Variants in THSD7A observed in about 807,000 individuals in gnomAD.
THSD7A encodes thrombospondin type-1 domain-containing protein 7A.
Under a neutral mutation model 231.3 loss-of-function variants are expected in THSD7A, and 96 were observed. That is an observed-to-expected ratio of 0.41 (90% CI 0.35 to 0.49). The LOEUF (loss-of-function observed/expected upper bound fraction) is 0.49. Among genes scored for constraint, THSD7A ranks in the 20% least tolerant of loss-of-function variants. The probability of loss-of-function intolerance (pLI) is 0.05; values close to 1 mark genes in which losing one functional copy is unlikely to be tolerated. For synonymous variants in THSD7A, 940 were observed against 743.3 expected, an observed-to-expected ratio of 1.26 and a Z score of -4.30; for missense variants, 2,290 against 2,070.2, an observed-to-expected ratio of 1.11 and a Z score of -2.06.
Position 11,814,988 on chromosome 7 carries a change from G to C in THSD7A, c.190+16769C>G, listed in dbSNP as rs1253609951. ...GGGAACAAATGAAGCACAGTGCATAGAGAAATGTTGATGTTGGCTGGAAAC... is the reference window on the plus strand; with the variant it reads ...GGGAACAAATGAAGCACAGTGCATACAGAAATGTTGATGTTGGCTGGAAAC... On this transcript the variant is annotated intron_variant, in intron 1 of 27. Transcript: ENST00000423059. The surrounding 1 kb of genome is among the most constrained non-coding windows in gnomAD (Gnocchi z 5.1). Among the ~76,000 whole-genome samples, 1 of 151,920 alleles carries C rather than the reference G, an allele frequency of 6.6e-6. No individual in the cohort carries two copies. The highest frequency in any genetic ancestry group is 1.5e-5 in the Non-Finnish European group (1 of 67,988).
In THSD7A at chr7:11,694,339, C is replaced by T. The variant is rs994215723; in HGVS notation, c.191-57378G>A. On this transcript the variant is annotated intron_variant, in intron 1 of 27. Transcript: ENST00000423059. Reference sequence around the variant, plus strand: ...CCACCAGAAGCCACAGTTGGGCCTGCGGGACCACCACTTCCTATGGGAAAT... The same window carrying T: ...CCACCAGAAGCCACAGTTGGGCCTGTGGGACCACCACTTCCTATGGGAAAT... Among the ~76,000 whole-genome samples the T allele has an allele frequency of 9.9e-5, 15 of 151,576 alleles. No homozygotes were observed. In the South Asian group the frequency reaches 1.5e-3, roughly 15 times the overall value.
intron 6 of THSD7A, among the ~76,000 whole-genome samples, chr7:11,526,552 C>T (rs1167585410): frequency 6.6e-6 from 1 of 152,172 alleles, no homozygotes; most frequent in African/African-American, 2.4e-5. Flanking sequence ...AGGTGTAATG[C>T]CTGCAACATA....
chr7:11,813,752 A>G (rs12670319), intron 1 of THSD7A, among the ~76,000 whole-genome samples: 27,607 of 140,340 alleles, frequency 0.2, 2,849 homozygotes, highest in South Asian at 0.37. Context: ...AATAATAATA[A>G]TAATAAGGCT....
At chr7:11,499,039 A>C (rs946297824) in intron 6 of THSD7A, among the ~76,000 whole-genome samples, 12 of 152,192 alleles carry the variant, frequency 7.9e-5, no homozygotes, top group Admixed American at 3.9e-4. Context: ...CCAGGGGCAA[A>C]TGAAAGCCTC....
chr7:11,507,737 T>C (rs1242007991), intron 6 of THSD7A, among the ~76,000 whole-genome samples: 3 of 152,092 alleles, frequency 2.0e-5, no homozygotes, highest in Non-Finnish European at 2.9e-5. Flanking sequence ...ATATATACAG[T>C]GGAAGAAATA....
chr7:11,388,577 C>T (rs1479983371), intron 23 of THSD7A, among the ~76,000 whole-genome samples: 1 of 152,078 alleles, frequency 6.6e-6, no homozygotes, highest in Non-Finnish European at 1.5e-5. Flanking sequence ...TGATTGTTCT[C>T]TCTTTTCTTC....
intron 6 of THSD7A, among the ~76,000 whole-genome samples, chr7:11,517,370 G>T (rs948444236): frequency 1.3e-5 from 2 of 151,940 alleles, no homozygotes; most frequent in South Asian, 4.2e-4. Context: ...GAGCCACCAT[G>T]CCCGGCCCCC....
intron 23 of THSD7A, among the ~76,000 whole-genome samples, chr7:11,396,738 C>T (rs935450985): frequency 3.9e-5 from 6 of 152,288 alleles, no homozygotes; most frequent in Non-Finnish European, 8.8e-5. Context: ...TGAAACTACT[C>T]CACACAATAT....
chr7:11,666,483 C>T (rs1682809975), intron 1 of THSD7A, among the ~76,000 whole-genome samples: 1 of 152,018 alleles, frequency 6.6e-6, no homozygotes, highest in East Asian at 1.9e-4. Context: ...TAGGGATGCT[C>T]CACCTGTATT....
intron 6 of THSD7A, among the ~76,000 whole-genome samples, chr7:11,521,892 T>A (rs1395118983): frequency 6.6e-6 from 1 of 151,966 alleles, no homozygotes; most frequent in Admixed American, 6.6e-5. Context: ...TAAAAACAAT[T>A]GTATAGAGCA....
In THSD7A at chr7:11,372,018, T is replaced by G. The variant is rs2115269850; in HGVS notation, c.*3776A>C. ...CAAGGATACAGGTTGTTGGGGGAGG[T>G]AAATAAGTGTGTGAGAGGTCTATTC... is the stretch of plus-strand genomic sequence containing the variant. On this transcript the variant is annotated 3_prime_UTR_variant, in exon 28 of 28. Coordinates refer to ENST00000423059, the MANE Select transcript of THSD7A (RefSeq NM_015204.3). 1 of 150,126 alleles carries G rather than the reference T, an allele frequency of 6.7e-6. No homozygotes were observed. The highest frequency in any genetic ancestry group is 6.7e-5 in the Admixed American group (1 of 14,960). 9.3% of individuals were successfully genotyped at this position (150,126 alleles called of 1,614,324 possible).
chr7:11,494,879 C>T (rs562563294), intron 6 of THSD7A, among the ~76,000 whole-genome samples: 94 of 151,990 alleles, frequency 6.2e-4, no homozygotes, highest in African/African-American at 2.2e-3. Context: ...ATATAGTTTT[C>T]TTTTTCTTTC....
Position 11,636,004 on chromosome 7 carries a change from TG to T in THSD7A, c.1022+125del. ...CACACAAGCTCAGAAGCCTTAAATT[TG>T]GGGGTAGCTCATCCTAGGTTGTGCC... On this transcript the variant is annotated intron_variant, in intron 2 of 27. Coordinates refer to ENST00000423059, the MANE Select transcript of THSD7A (RefSeq NM_015204.3). This position sits in a 1 kb window ranked among gnomAD's most constrained non-coding sequence, Gnocchi z 10.0. 2 of 798,856 alleles carry T rather than the reference TG, an allele frequency of 2.5e-6. No homozygotes were observed. Among genetic ancestry groups the T allele is most frequent in the Non-Finnish European group, 3.8e-6 (2 of 529,486 alleles). The allele number at this position is 798,856 out of a possible 1,614,324, so 49.5% of individuals were successfully genotyped here.
rs138369732 is a variant in THSD7A, at chr7:11,579,406, T to C, written c.1453+11054A>G. ...CTACTCATTCACCAGTGCACATCCC[T>C]GAGTGCTCATTTCAAAATTCCTCCT... On this transcript the variant is annotated intron_variant, in intron 4 of 27. Coordinates refer to ENST00000423059, the MANE Select transcript of THSD7A (RefSeq NM_015204.3). Among the ~76,000 whole-genome samples, 295 of 152,184 alleles carry C rather than the reference T, an allele frequency of 1.9e-3. 1 individual carries two copies. Among genetic ancestry groups the C allele is most frequent in the African/African-American group, 7.0e-3 (289 of 41,518 alleles).
At chr7:11,806,760 C>T (rs976987577) in intron 1 of THSD7A, among the ~76,000 whole-genome samples, 4 of 152,034 alleles carry the variant, frequency 2.6e-5, no homozygotes, top group African/African-American at 9.7e-5. Context: ...GGGTAGTGAG[C>T]CAAAGCTGGA....
At chr7:11,786,770 A>G (rs1783807072) in intron 1 of THSD7A, among the ~76,000 whole-genome samples, 2 of 133,934 alleles carry the variant, frequency 1.5e-5, no homozygotes, top group Admixed American at 1.5e-4. Flanking sequence ...AAAAAAAAAA[A>G]AAAAAAAAAA....
At chr7:11,710,517 G>A (rs1780918657) in intron 1 of THSD7A, among the ~76,000 whole-genome samples, 2 of 150,756 alleles carry the variant, frequency 1.3e-5, no homozygotes, top group South Asian at 2.1e-4. Context: ...AGGAAGTAGA[G>A]GCCAGAATTA....
At chr7:11,772,700 T>G (rs1449046294) in intron 1 of THSD7A, among the ~76,000 whole-genome samples, 4 of 152,140 alleles carry the variant, frequency 2.6e-5, no homozygotes, top group African/African-American at 9.7e-5. Context: ...TAATAGATAC[T>G]AGGGCCTACT....
intron 6 of THSD7A, among the ~76,000 whole-genome samples, chr7:11,539,319 C>T (rs17164738): frequency 0.073 from 11,155 of 152,180 alleles, 625 homozygotes; most frequent in East Asian, 0.18. Flanking sequence ...TGATTTTATA[C>T]ATCCATGTAG....
Sources: gnomAD v4.1 joint callset for allele counts (sites outside exome capture counted in the v4.1 genomes callset) on GRCh38, gnomAD v4.1.1 for gene constraint, Gnocchi (gnomAD v3.1) non-coding constraint, MANE v1.5 for transcripts, NCBI Gene and HGNC (gene_info 2026-07-23, HGNC 2026-07-21) for gene names.